PKNOX2: variants seen among roughly 807,000 people sequenced by gnomAD.
The protein encoded by PKNOX2 is PBX/knotted 1 homeobox 2.
Under a neutral mutation model 53.1 loss-of-function variants are expected in PKNOX2, and 14 were observed. The ratio of observed to expected loss-of-function variants is 0.26; its 90% CI spans 0.17 to 0.41. The LOEUF (loss-of-function observed/expected upper bound fraction) is 0.41, where lower values mean the gene tolerates loss of function less well. PKNOX2 is among the 10% of genes least tolerant of loss of function. PKNOX2 has a pLI of 1.00. For synonymous variants in PKNOX2, 257 were observed against 242.8 expected, an observed-to-expected ratio of 1.06 and a Z score of -0.54; for missense variants, 496 against 602.8, an observed-to-expected ratio of 0.82 and a Z score of 1.85.
chr11:125,331,870 AAG>A lies in PKNOX2; in HGVS notation c.-75_-74del, dbSNP rs1950160360. The A allele has an allele frequency of 1.3e-5, 2 of 152,352 alleles. No homozygotes were observed. Among genetic ancestry groups the A allele is most frequent in the African/African-American group, 4.8e-5 (2 of 41,570 alleles). 9.4% of individuals were successfully genotyped at this position (152,352 alleles called of 1,614,324 possible). On this transcript the variant is annotated 5_prime_UTR_variant, in exon 3 of 13. Coordinates refer to ENST00000298282, the MANE Select transcript of PKNOX2 (RefSeq NM_001382323.2). ...AAATTCTGGCCCAGCTGGAAGTAGA[AAG>A]AGGGGAGTGAGTCTCCTGAGGACCA...
chr11:125,326,357 G>T (rs926290602), intron 2 of PKNOX2, among the ~76,000 whole-genome samples: 1 of 152,208 alleles, frequency 6.6e-6, no homozygotes, highest in South Asian at 2.1e-4. Flanking sequence ...ACTCACACAG[G>T]GGGTGTGCTT....
chr11:125,423,088 A>G (rs541342936), intron 10 of PKNOX2, among the ~76,000 whole-genome samples: 3 of 152,280 alleles, frequency 2.0e-5, no homozygotes, highest in East Asian at 1.9e-4. Flanking sequence ...ATATATACGT[A>G]TGTATATACA....
intron 5 of PKNOX2, among the ~76,000 whole-genome samples, chr11:125,379,308 C>A (rs905743079): frequency 1.3e-5 from 2 of 152,088 alleles, no homozygotes; most frequent in Non-Finnish European, 2.9e-5. Context: ...GTAATCCACC[C>A]GCCTCAGCCT....
At chr11:125,385,407 C>A (rs1223815488) in intron 5 of PKNOX2, 144 bp from the exon 6 acceptor site, 7 of 897,642 alleles carry the variant, frequency 7.8e-6, no homozygotes, top group Non-Finnish European at 9.8e-6. Context: ...TCTAGATTGA[C>A]CATAGGGACT....
intron 1 of PKNOX2, among the ~76,000 whole-genome samples, chr11:125,168,787 A>T (rs1955071708): frequency 6.6e-6 from 1 of 152,228 alleles, no homozygotes; most frequent in African/African-American, 2.4e-5. Flanking sequence ...AGCAGGGGAA[A>T]ATTAGATGTT....
Position 125,315,944 on chromosome 11 carries a change from G to A in PKNOX2, c.-129-15875G>A, listed in dbSNP as rs116637095. ...TATCTTGTGCCTGACCTTGTAGCAG[G>A]AGCTGTGAGGATTCAAGGACATGTA... On this transcript the variant is annotated intron_variant, in intron 2 of 12. Coordinates refer to ENST00000298282, the MANE Select transcript of PKNOX2 (RefSeq NM_001382323.2). Among the ~76,000 whole-genome samples, 293 of 152,296 alleles carry A rather than the reference G, an allele frequency of 1.9e-3. 2 individuals are homozygous for A. Among genetic ancestry groups the A allele is most frequent in the African/African-American group, 6.7e-3 (279 of 41,558 alleles).
chr11:125,247,347 G>A (rs1943640470), intron 2 of PKNOX2, among the ~76,000 whole-genome samples: 2 of 152,166 alleles, frequency 1.3e-5, no homozygotes, highest in Non-Finnish European at 2.9e-5. Context: ...TGAGCTCACA[G>A]TGCCCACTGA....
intron 4 of PKNOX2, among the ~76,000 whole-genome samples, chr11:125,353,964 CA>C (rs1405426022): frequency 6.6e-6 from 1 of 152,130 alleles, no homozygotes; most frequent in Non-Finnish European, 1.5e-5. Flanking sequence ...GCCCCCAGAA[CA>C]AAGGCTTCTG....
intron 2 of PKNOX2, among the ~76,000 whole-genome samples, chr11:125,270,684 A>T (rs1175960358): frequency 6.6e-6 from 1 of 152,028 alleles, no homozygotes; most frequent in Non-Finnish European, 1.5e-5. Context: ...GCCAATGTGG[A>T]CTCCTCAGCC....
rs554598660 is a variant in PKNOX2 at position 125,209,407 on chromosome 11, G to A, written c.-200-25638G>A. Among the ~76,000 whole-genome samples the A allele has an allele frequency of 1.6e-4, 24 of 152,102 alleles. 1 individual carries two copies. Among genetic ancestry groups the A allele is most frequent in the South Asian group, 1.2e-3 (6 of 4,806 alleles). On this transcript the variant is annotated intron_variant, in intron 1 of 12. Transcript: ENST00000298282. ...AAGGTACACACACATACACATGTGC[G>A]CGCACACACACTCACAATTGATGGG...
At chr11:125,210,366 T>G (rs927884339) in intron 1 of PKNOX2, among the ~76,000 whole-genome samples, 1 of 152,130 alleles carries the variant, frequency 6.6e-6, no homozygotes, top group Non-Finnish European at 1.5e-5. Context: ...AAGGAGCCCA[T>G]GCTTTTCTTC....
At chr11:125,345,784 C>T (rs1345960596) in intron 3 of PKNOX2, among the ~76,000 whole-genome samples, 2 of 152,250 alleles carry the variant, frequency 1.3e-5, no homozygotes, top group African/African-American at 2.4e-5. Flanking sequence ...GCAACAGCTG[C>T]CTCTCATTTT....
chr11:125,383,738 A>G (rs1387680254), intron 5 of PKNOX2, among the ~76,000 whole-genome samples: 1 of 152,230 alleles, frequency 6.6e-6, no homozygotes, highest in Non-Finnish European at 1.5e-5. Flanking sequence ...TACAGCAGCC[A>G]TATTTCAAGT....
chr11:125,276,164 C>T (rs1946140908), intron 2 of PKNOX2, among the ~76,000 whole-genome samples: 1 of 152,116 alleles, frequency 6.6e-6, no homozygotes, highest in Non-Finnish European at 1.5e-5. Flanking sequence ...TTTACTTTGG[C>T]AAGATATGGT....
chr11:125,178,638 GAAAGAAA>G lies in PKNOX2; in HGVS notation c.-201+13863_-201+13869del, dbSNP rs1565462421. ...AGAAAGAAAGAAAGAAAGAAAGAAA[GAAAGAAA>G]GAAGGAAGGAAGGAAGGAAGGAAGG... On this transcript the variant is annotated intron_variant, in intron 1 of 12. Coordinates refer to ENST00000298282, the MANE Select transcript of PKNOX2 (RefSeq NM_001382323.2). Among the ~76,000 whole-genome samples the G allele has an allele frequency of 4.4e-4, 42 of 95,322 alleles. 1 individual carries two copies. The highest frequency in any genetic ancestry group is 7.3e-4 in the South Asian group (2 of 2,732). The allele number at this position is 95,322 out of a possible 152,430, so 62.5% of individuals were successfully genotyped here.
At chr11:125,415,052 CTT>C (rs1298089185) in intron 10 of PKNOX2, among the ~76,000 whole-genome samples, 1 of 152,084 alleles carries the variant, frequency 6.6e-6, no homozygotes, top group Non-Finnish European at 1.5e-5. Context: ...GTGTGCCTCT[CTT>C]GCATCTCTGA....
chr11:125,424,910 G>A (rs758319213), intron 10 of PKNOX2, among the ~76,000 whole-genome samples: 1 of 152,212 alleles, frequency 6.6e-6, no homozygotes, highest in Non-Finnish European at 1.5e-5. Context: ...GAGGAGAGTT[G>A]CGTTATGGGG....
chr11:125,306,697 G>A (rs925164706), intron 2 of PKNOX2, among the ~76,000 whole-genome samples: 4 of 152,330 alleles, frequency 2.6e-5, no homozygotes, highest in African/African-American at 7.2e-5. Context: ...GGCAGTGGGG[G>A]TGGAGGAGAG....
At chr11:125,336,928 G>A (rs1591532777) in intron 3 of PKNOX2, among the ~76,000 whole-genome samples, 1 of 147,670 alleles carries the variant, frequency 6.8e-6, no homozygotes, top group East Asian at 2.0e-4. Flanking sequence ...TGTATGCTGT[G>A]TACTATAATA....
Sources: gnomAD v4.1 joint callset for allele counts (sites outside exome capture counted in the v4.1 genomes callset) on GRCh38, gnomAD v4.1.1 for gene constraint, MANE v1.5 for transcripts, NCBI Gene and HGNC (gene_info 2026-07-23, HGNC 2026-07-21) for gene names.